BTBD9: variants seen among roughly 807,000 people sequenced by gnomAD.
BTBD9 encodes BTB domain containing 9, also known as BTB/POZ domain-containing protein 9.
In BTBD9, 49 loss-of-function variants were observed where a neutral mutation model predicts 64.3. The ratio of observed to expected loss-of-function variants is 0.76; its 90% CI spans 0.61 to 0.97. The LOEUF (loss-of-function observed/expected upper bound fraction) is 0.97, where lower values mean the gene tolerates loss of function less well. Ranked by LOEUF, BTBD9 falls within the 50% of genes least tolerant of loss-of-function variation. The probability of loss-of-function intolerance (pLI) is 0.00; values close to 1 mark genes in which losing one functional copy is unlikely to be tolerated. For synonymous variants in BTBD9, 260 were observed against 274.7 expected (o/e 0.95, Z 0.53); for missense variants, 598 against 762.1 (o/e 0.78, Z 2.53).
At chr6:38,630,373 A>C (rs1223315025) in intron 1 of BTBD9, among the ~76,000 whole-genome samples, 2 of 152,228 alleles carry the variant, frequency 1.3e-5, no homozygotes, top group Non-Finnish European at 2.9e-5. Flanking sequence ...AATATGAATA[A>C]AGCCTATAGG....
intron 4 of BTBD9, among the ~76,000 whole-genome samples, chr6:38,585,354 G>A (rs920598038): frequency 2.6e-5 from 4 of 152,114 alleles, no homozygotes; most frequent in African/African-American, 9.7e-5. Flanking sequence ...TGTCACCTAG[G>A]CTGGAGTGTG....
intron 1 of BTBD9, among the ~76,000 whole-genome samples, chr6:38,607,418 T>C (rs1274565931): frequency 6.6e-6 from 1 of 152,202 alleles, no homozygotes; most frequent in Non-Finnish European, 1.5e-5. Context: ...TTGCTACACG[T>C]TGGATAGTAT....
intron 9 of BTBD9, among the ~76,000 whole-genome samples, chr6:38,216,539 C>A (rs1763014597): frequency 1.3e-5 from 2 of 152,186 alleles, no homozygotes; most frequent in African/African-American, 4.8e-5. Flanking sequence ...GGATTTTCTG[C>A]ATGTATAATG....
At chr6:38,364,899 T>C (rs1422833953) in intron 6 of BTBD9, among the ~76,000 whole-genome samples, 1 of 152,152 alleles carries the variant, frequency 6.6e-6, no homozygotes, top group African/African-American at 2.4e-5. Flanking sequence ...CTGGAGATCC[T>C]CAAAATCATT....
intron 8 of BTBD9, among the ~76,000 whole-genome samples, chr6:38,277,787 T>G (rs1443267490): frequency 6.6e-6 from 1 of 152,218 alleles, no homozygotes; most frequent in African/African-American, 2.4e-5. Context: ...ATGGGTGAAT[T>G]ATATGGCATG....
chr6:38,235,579 A>G (rs988673416), intron 9 of BTBD9, among the ~76,000 whole-genome samples: 1 of 152,224 alleles, frequency 6.6e-6, no homozygotes, highest in African/African-American at 2.4e-5. Flanking sequence ...GGTCAGTGAC[A>G]AAGATGAGCT....
intron 9 of BTBD9, among the ~76,000 whole-genome samples, chr6:38,250,361 G>A (rs1010043484): frequency 6.6e-6 from 1 of 152,150 alleles, no homozygotes; most frequent in East Asian, 1.9e-4. Flanking sequence ...AAAACAAAAA[G>A]CTGTCTAATA....
intron 10 of BTBD9, chr6:38,179,969 C>T (rs7742915): frequency 0.63 from 247,838 of 393,720 alleles, 82,417 homozygotes; most frequent in Non-Finnish European, 0.74. Flanking sequence ...TCACTCCTGG[C>T]AGCCTGTCTG....
At chr6:38,193,984 A>T in intron 9 of BTBD9, 2 of 755,044 alleles carry the variant, frequency 2.6e-6, no homozygotes, top group Non-Finnish European at 3.2e-6. Context: ...AAACAAAGAA[A>T]AATCACTGTC....
intron 4 of BTBD9, among the ~76,000 whole-genome samples, chr6:38,584,154 C>G (rs1054641357): frequency 1.3e-5 from 2 of 152,076 alleles, no homozygotes; most frequent in African/African-American, 4.8e-5. Flanking sequence ...TGGCAAAACC[C>G]CATCTCTACT....
In BTBD9 at chr6:38,374,309, A is replaced by G. The variant is rs1212844310; in HGVS notation, c.1155-29216T>C. ...TATATATATATATGTATATATATGT[A>G]TATATATATATATATATGTATATAA... On this transcript the variant is annotated intron_variant, in intron 6 of 10. Coordinates refer to ENST00000481247, the MANE Select transcript of BTBD9 (RefSeq NM_001099272.2). 1.4e-3 allele frequency among the ~76,000 whole-genome samples: 152 copies of G among 105,610 alleles called. 10 individuals carry two copies. Among genetic ancestry groups the G allele is most frequent in the Middle Eastern group, 5.0e-3 (1 of 202 alleles). The allele number at this position is 105,610 out of a possible 152,430, so 69.3% of individuals were successfully genotyped here.
At chr6:38,315,015 A>AT (rs1420847967) in intron 7 of BTBD9, among the ~76,000 whole-genome samples, 1 of 151,870 alleles carries the variant, frequency 6.6e-6, no homozygotes. Context: ...CATCTGGCTA[A>AT]TTTTTTGTAT....
At chr6:38,633,766 C>T (rs1244850244) in intron 1 of BTBD9, among the ~76,000 whole-genome samples, 1 of 151,982 alleles carries the variant, frequency 6.6e-6, no homozygotes, top group Non-Finnish European at 1.5e-5. Context: ...GTTCTTTCTC[C>T]TCTATCAAAT....
chr6:38,181,607 T>A (rs1761557256), intron 10 of BTBD9, among the ~76,000 whole-genome samples: 1 of 152,206 alleles, frequency 6.6e-6, no homozygotes, highest in South Asian at 2.1e-4. Flanking sequence ...TTTTGTTCTT[T>A]AAAAATGAAG....
At chr6:38,384,680 A>G (rs1766079079) in intron 6 of BTBD9, among the ~76,000 whole-genome samples, 2 of 152,336 alleles carry the variant, frequency 1.3e-5, no homozygotes, top group Admixed American at 1.3e-4. Flanking sequence ...AATATGTGAT[A>G]ACTCCTAAAT....
At chr6:38,341,319 A>G (rs1764088534) in intron 7 of BTBD9, among the ~76,000 whole-genome samples, 1 of 152,216 alleles carries the variant, frequency 6.6e-6, no homozygotes, top group African/African-American at 2.4e-5. Context: ...TTATGGCTAC[A>G]ATAAGGAGGC....
intron 6 of BTBD9, among the ~76,000 whole-genome samples, chr6:38,435,679 TTCTC>T (rs1311854594): frequency 1.5e-5 from 2 of 132,944 alleles, no homozygotes; most frequent in African/African-American, 5.6e-5. Context: ...CTCTCTTTCT[TTCTC>T]TCTGAGACTG....
At chr6:38,350,668 C>G (rs1193476443) in intron 6 of BTBD9, among the ~76,000 whole-genome samples, 1 of 152,182 alleles carries the variant, frequency 6.6e-6, no homozygotes, top group African/African-American at 2.4e-5. Flanking sequence ...ATCTTGAAAA[C>G]TAGAGTTAGC....
chr6:38,325,656 G>C (rs1763395925), intron 7 of BTBD9, among the ~76,000 whole-genome samples: 1 of 152,208 alleles, frequency 6.6e-6, no homozygotes, highest in Non-Finnish European at 1.5e-5. Flanking sequence ...CTGCACTCCA[G>C]CCTGGGCAAC....
Sources: gnomAD v4.1 joint callset for allele counts (sites outside exome capture counted in the v4.1 genomes callset) on GRCh38, gnomAD v4.1.1 for gene constraint, MANE v1.5 for transcripts, NCBI Gene and HGNC (gene_info 2026-07-23, HGNC 2026-07-21) for gene names.